The following CASZ1 variants were observed in gnomAD, a reference collection of about 807,000 sequenced individuals.
The protein encoded by CASZ1 is zinc finger protein castor homolog 1.
CASZ1 carries 28 observed loss-of-function variants against 135.2 expected under a neutral mutation model. The ratio of observed to expected loss-of-function variants is 0.21; its 90% CI spans 0.15 to 0.28. The LOEUF (loss-of-function observed/expected upper bound fraction) is 0.28. CASZ1 is among the 10% of genes least tolerant of loss of function. The pLI is 1.00. For missense variants in CASZ1, 2,161 were observed against 2,453.3 expected (o/e 0.88, Z 2.52); for synonymous variants, 1,068 against 1,073.4 (o/e 0.99, Z 0.10).
chr1:10,685,638 G>C (rs1638561873), intron 4 of CASZ1, among the ~76,000 whole-genome samples: 1 of 152,234 alleles, frequency 6.6e-6, no homozygotes, highest in African/African-American at 2.4e-5. Flanking sequence ...GGCCTCCGCT[G>C]TTTTCTCTCT....
intron 1 of CASZ1, among the ~76,000 whole-genome samples, chr1:10,764,801 C>T (rs1640442718): frequency 6.6e-6 from 1 of 152,226 alleles, no homozygotes; most frequent in Non-Finnish European, 1.5e-5. Flanking sequence ...CAATGAAAGG[C>T]TCAGGTGCTT....
chr1:10,736,349 C>T (rs1000675222), intron 2 of CASZ1, among the ~76,000 whole-genome samples: 3 of 152,188 alleles, frequency 2.0e-5, no homozygotes, highest in East Asian at 1.9e-4. Flanking sequence ...CAGCAGGCAA[C>T]GAGACGGGAG....
chr1:10,697,981 G>C lies in CASZ1; in HGVS notation c.-23-4069C>G, dbSNP rs1029411913. Among the ~76,000 whole-genome samples, 2 of 152,242 alleles carry C rather than the reference G, an allele frequency of 1.3e-5. No individual in the cohort carries two copies. Among genetic ancestry groups the C allele is most frequent in the African/African-American group, 4.8e-5 (2 of 41,464 alleles). On this transcript the variant is annotated intron_variant, in intron 3 of 20. Coordinates refer to ENST00000377022, the MANE Select transcript of CASZ1 (RefSeq NM_001079843.3). This position sits in a 1 kb window ranked among gnomAD's most constrained non-coding sequence, Gnocchi z 4.7. ...GAAGCATGGGGGCCGAGGGAGGGCA[G>C]AGCCAAGGCACCACGGCATGGCCAC... is the stretch of plus-strand genomic sequence containing the variant.
chr1:10,701,223 C>T lies in CASZ1; in HGVS notation c.-24+4269G>A, dbSNP rs184005056. Among the ~76,000 whole-genome samples, 764 of 152,318 alleles carry T rather than the reference C, an allele frequency of 5.0e-3. 3 individuals are homozygous for T. Among genetic ancestry groups the T allele is most frequent in the African/African-American group, 0.017 (714 of 41,570 alleles). ...AGGGAAGCGGGTACGTGGCCCTCCTCCTGCCTCCTGCCCGGGTCCCTGGAG... is the reference window on the plus strand; with the variant it reads ...AGGGAAGCGGGTACGTGGCCCTCCTTCTGCCTCCTGCCCGGGTCCCTGGAG... On this transcript the variant is annotated intron_variant, in intron 3 of 20. Coordinates refer to ENST00000377022, the MANE Select transcript of CASZ1 (RefSeq NM_001079843.3). This position sits in a 1 kb window ranked among gnomAD's most constrained non-coding sequence, Gnocchi z 6.3.
intron 2 of CASZ1, among the ~76,000 whole-genome samples, chr1:10,715,463 T>A (rs1639359954): frequency 6.6e-6 from 1 of 151,108 alleles, no homozygotes; most frequent in Non-Finnish European, 1.5e-5. Flanking sequence ...CAGAGATGCC[T>A]CCTCCACTCC....
At chr1:10,716,633 G>A (rs1639399828) in intron 2 of CASZ1, among the ~76,000 whole-genome samples, 1 of 152,226 alleles carries the variant, frequency 6.6e-6, no homozygotes. Flanking sequence ...GGAAGAACAG[G>A]CGGAAGTGGC....
rs778253213 is a variant in CASZ1 at position 10,665,162 on chromosome 1, G to A, written c.426C>T (p.Asp142=). The A allele has an allele frequency of 3.6e-5, 56 of 1,551,078 alleles. No homozygotes were observed. Among genetic ancestry groups the A allele is most frequent in the South Asian group, 2.1e-4 (17 of 81,222 alleles). The part of the protein sequence containing the change: ...EEDHAEEPSK[D]GGALEEKDSD... ...AATCCTTCTCCTCCAGGGCACCGCC[G>A]TCCTTGGAGGGCTCCTCCGCGTGGT... The change falls in exon 5 of 21, where the codon GAC becomes GAT. Residue 142 remains aspartate (D), a synonymous_variant. Coordinates refer to ENST00000377022, the MANE Select transcript of CASZ1 (RefSeq NM_001079843.3).
At chr1:10,775,627 C>G (rs1260342027) in intron 1 of CASZ1, among the ~76,000 whole-genome samples, 1 of 152,192 alleles carries the variant, frequency 6.6e-6, no homozygotes, top group Non-Finnish European at 1.5e-5. Context: ...TCTTCAGCCC[C>G]TTTCAAGGGG....
At chr1:10,658,669 C>T in intron 6 of CASZ1, 93 bp from the exon 7 acceptor site, 2 of 1,115,502 alleles carry the variant, frequency 1.8e-6, no homozygotes, top group Non-Finnish European at 2.7e-6. Context: ...CCTGAGGCCC[C>T]AGCCCCTCTG....
chr1:10,679,120 G>A lies in CASZ1; in HGVS notation c.17-13549C>T, dbSNP rs982477154. On this transcript the variant is annotated intron_variant, in intron 4 of 20. Transcript: ENST00000377022. This position sits in a 1 kb window ranked among gnomAD's most constrained non-coding sequence, Gnocchi z 4.7. ...GAGCTGAGGTTCAGGAGGGGTACCC[G>A]CTGCCCCGACTTCCCAGGATTCACG... 1.9e-4 allele frequency among the ~76,000 whole-genome samples: 29 copies of A among 152,200 alleles called. 1 individual carries two copies. The highest frequency in any genetic ancestry group is 7.0e-4 in the African/African-American group (29 of 41,446).
chr1:10,687,263 C>A lies in CASZ1; in HGVS notation c.16+6611G>T, dbSNP rs145564173. The stretch of plus-strand genomic sequence containing the variant: ...TTTGGGAACACCTGGTCTCTGGAAA[C>A]ACAACATGTGTCCGTTTCCCAGCTC... On this transcript the variant is annotated intron_variant, in intron 4 of 20. Transcript: ENST00000377022. 1.4e-3 allele frequency among the ~76,000 whole-genome samples: 220 copies of A among 152,368 alleles called. 2 individuals are homozygous for A. Among genetic ancestry groups the A allele is most frequent in the African/African-American group, 5.2e-3 (216 of 41,590 alleles).
intron 3 of CASZ1, among the ~76,000 whole-genome samples, chr1:10,703,678 G>A (rs1360597987): frequency 3.9e-5 from 6 of 151,940 alleles, no homozygotes; most frequent in South Asian, 4.2e-4. Context: ...GTCAGACTCC[G>A]AGGCCCCCTA....
Position 10,794,956 on chromosome 1 carries a change from G to T in CASZ1, c.-234+1608C>A, listed in dbSNP as rs1570600826. On this transcript the variant is annotated intron_variant, in intron 1 of 20. Transcript: ENST00000377022. The surrounding 1 kb of genome is among the most constrained non-coding windows in gnomAD (Gnocchi z 5.6). ...CCTCTGCCCGCACCTCGCCACCCCG[G>T]CGGCCGCCCCCTCCCCTTCCAGACC... 6.6e-6 allele frequency among the ~76,000 whole-genome samples: 1 copy of T among 151,494 alleles called. No homozygotes were observed. The highest frequency in any genetic ancestry group is 1.9e-4 in the East Asian group (1 of 5,156).
rs563693673 is a variant in CASZ1, at chr1:10,724,156, C to T, written c.-76-18612G>A. On this transcript the variant is annotated intron_variant, in intron 2 of 20. Coordinates refer to ENST00000377022, the MANE Select transcript of CASZ1 (RefSeq NM_001079843.3). This position sits in a 1 kb window ranked among gnomAD's most constrained non-coding sequence, Gnocchi z 4.1. The stretch of plus-strand genomic sequence containing the variant: ...AAAGAGGTGTCAGGCTAACGTTACA[C>T]CAGCTTTAAAAATACCCCAGCACAC... Among the ~76,000 whole-genome samples, 2 of 152,280 alleles carry T rather than the reference C, an allele frequency of 1.3e-5. No homozygotes were observed. Among genetic ancestry groups the T allele is most frequent in the Admixed American group, 6.5e-5 (1 of 15,298 alleles).
intron 1 of CASZ1, among the ~76,000 whole-genome samples, chr1:10,775,166 C>T (rs1640640879): frequency 6.6e-6 from 1 of 152,178 alleles, no homozygotes; most frequent in African/African-American, 2.4e-5. Flanking sequence ...CCTTTGGAAG[C>T]CAGGCCCCCA....
rs180906805 is a variant in CASZ1 at position 10,747,396 on chromosome 1, G to A, written c.-77+13305C>T. 1.3e-5 allele frequency among the ~76,000 whole-genome samples: 2 copies of A among 152,314 alleles called. No individual in the cohort carries two copies. The highest frequency in any genetic ancestry group is 3.9e-4 in the East Asian group (2 of 5,178). ...AGTCTAGCACCTGCCAAACCGTGGC[G>A]GAAGCAATGGCTGCCATTGAGGGTC... On this transcript the variant is annotated intron_variant, in intron 2 of 20. Coordinates refer to ENST00000377022, the MANE Select transcript of CASZ1 (RefSeq NM_001079843.3). This position sits in a 1 kb window ranked among gnomAD's most constrained non-coding sequence, Gnocchi z 4.3.
rs1466388843 is a variant in CASZ1, at chr1:10,788,570, A to G, written c.-234+7994T>C. On this transcript the variant is annotated intron_variant, in intron 1 of 20. Coordinates refer to ENST00000377022, the MANE Select transcript of CASZ1 (RefSeq NM_001079843.3). This position sits in a 1 kb window ranked among gnomAD's most constrained non-coding sequence, Gnocchi z 4.1. The stretch of plus-strand genomic sequence containing the variant: ...ATGGATTCAAAAGAAGGGAAGAAGC[A>G]CAGCCCAGAGACTGCCCGCCGTCAA... Among the ~76,000 whole-genome samples, 1 of 152,222 alleles carries G rather than the reference A, an allele frequency of 6.6e-6. No individual in the cohort carries two copies. Among genetic ancestry groups the G allele is most frequent in the Non-Finnish European group, 1.5e-5 (1 of 68,028 alleles).
Position 10,755,563 on chromosome 1 carries a change from C to T in CASZ1, c.-77+5138G>A, listed in dbSNP as rs531171712. Among the ~76,000 whole-genome samples, 1 of 152,236 alleles carries T rather than the reference C, an allele frequency of 6.6e-6. No homozygotes were observed. Among genetic ancestry groups the T allele is most frequent in the Non-Finnish European group, 1.5e-5 (1 of 68,012 alleles). ...GTAGCTCCAGACAGGGCAGGTGCCC[C>T]CAGCCCTTCCCAATCCCTCTTCCCT... On this transcript the variant is annotated intron_variant, in intron 2 of 20. Transcript: ENST00000377022. The surrounding 1 kb of genome is among the most constrained non-coding windows in gnomAD (Gnocchi z 4.3).
At chr1:10,733,777 G>C (rs932031093) in intron 2 of CASZ1, among the ~76,000 whole-genome samples, 1 of 152,096 alleles carries the variant, frequency 6.6e-6, no homozygotes, top group Admixed American at 6.5e-5. Context: ...GACACAGCTG[G>C]GTTGGAATCC....
Sources: allele counts gnomAD v4.1 joint callset (sites outside exome capture counted in the v4.1 genomes callset), GRCh38; gene constraint gnomAD v4.1.1; non-coding constraint Gnocchi (gnomAD v3.1); transcripts MANE v1.5; gene names NCBI Gene and HGNC (gene_info 2026-07-23, HGNC 2026-07-21).